The following XIRP2 variants were observed in gnomAD, a reference collection of about 807,000 sequenced individuals.
The protein encoded by XIRP2 is xin actin binding repeat containing 2.
A neutral mutation model predicts 277.0 loss-of-function variants in XIRP2; 236 were observed. That is an observed-to-expected ratio of 0.85 (90% CI 0.77 to 0.95). XIRP2 has a LOEUF of 0.95. Ranked by LOEUF, XIRP2 falls within the 40% of genes least tolerant of loss-of-function variation. The pLI, the probability that XIRP2 is intolerant of heterozygous loss-of-function variation, is 0.00. For synonymous variants in XIRP2, 1,490 were observed against 1,416.5 expected (o/e 1.05, Z -1.17); for missense variants, 4,640 against 4,157.5 (o/e 1.12, Z -3.19).
At chr2:166,996,634 A>C (rs77628099) in intron 2 of XIRP2, among the ~76,000 whole-genome samples, 5,356 of 152,302 alleles carry the variant, frequency 0.035, 121 homozygotes, top group East Asian at 0.079. Flanking sequence ...CCCAAAAAAT[A>C]AAAATAAATA....
At position 167,218,021 on chromosome 2, in the gene XIRP2, T is replaced by TA. The variant is rs1363877383; in HGVS notation, c.724-142dup. ...AGAATATATTTATTAAGGTTTTTGT[T>TA]AAAGACATACTGAAATAATGGTGTA... On this transcript the variant is annotated intron_variant, in intron 4 of 10. Transcript: ENST00000409195. The TA allele has an allele frequency of 7.9e-5, 48 of 610,208 alleles. No homozygotes were observed. The South Asian group carries it at 2.7e-3, about 34-fold the overall frequency. The allele number at this position is 610,208 out of a possible 1,614,324, so 37.8% of individuals were successfully genotyped here.
chr2:167,238,539 T>C (rs1387006048), intron 5 of XIRP2, among the ~76,000 whole-genome samples: 2 of 152,174 alleles, frequency 1.3e-5, no homozygotes, highest in African/African-American at 2.4e-5. Context: ...AAAAGTCTCA[T>C]ACATCTACTG....
intron 2 of XIRP2, among the ~76,000 whole-genome samples, chr2:167,106,180 G>C (rs1274978108): frequency 3.3e-5 from 5 of 151,422 alleles, no homozygotes; most frequent in African/African-American, 1.2e-4. Flanking sequence ...AATATTGATG[G>C]AGTCAAAAGT....
intron 2 of XIRP2, among the ~76,000 whole-genome samples, chr2:167,135,048 C>T (rs1227004956): frequency 6.6e-6 from 1 of 152,158 alleles, no homozygotes; most frequent in Non-Finnish European, 1.5e-5. Context: ...GGGAAGACTA[C>T]TGTGTGACCT....
intron 2 of XIRP2, among the ~76,000 whole-genome samples, chr2:167,087,665 T>G (rs1690001933): frequency 6.6e-6 from 1 of 152,194 alleles, no homozygotes; most frequent in South Asian, 2.1e-4. Flanking sequence ...TTTAAGCCGG[T>G]CGGAAAAGCG....
chr2:167,252,347 T>G lies in XIRP2; in HGVS notation c.10555+400T>G, dbSNP rs149286121. ...TGCCAGGTTTAAATGATATTTGCAT[T>G]GAGTTCAATACAGACTGATAGAAGT... On this transcript the variant is annotated intron_variant, in intron 9 of 10. Transcript: ENST00000409195. Among the ~76,000 whole-genome samples the G allele has an allele frequency of 9.1e-4, 138 of 152,120 alleles. 1 individual carries two copies. Among genetic ancestry groups the G allele is most frequent in the African/African-American group, 3.1e-3 (130 of 41,530 alleles).
At chr2:167,177,525 A>G (rs1248283779) in intron 3 of XIRP2, among the ~76,000 whole-genome samples, 2 of 152,224 alleles carry the variant, frequency 1.3e-5, no homozygotes, top group Non-Finnish European at 2.9e-5. Flanking sequence ...TATAATGTAT[A>G]TTAATTTGCT....
At chr2:167,085,521 C>G (rs1476143583) in intron 2 of XIRP2, among the ~76,000 whole-genome samples, 3 of 151,980 alleles carry the variant, frequency 2.0e-5, no homozygotes, top group Admixed American at 2.0e-4. Context: ...TCTCGTTGAT[C>G]TGTCTAATGT....
At chr2:166,979,505 A>G (rs1231372009) in intron 2 of XIRP2, among the ~76,000 whole-genome samples, 1 of 151,558 alleles carries the variant, frequency 6.6e-6, no homozygotes, top group Non-Finnish European at 1.5e-5. Context: ...GTAAGATGCT[A>G]AGAGTAGGGT....
chr2:166,960,317 A>G (rs548793012), intron 2 of XIRP2, among the ~76,000 whole-genome samples: 49 of 151,912 alleles, frequency 3.2e-4, no homozygotes, highest in Admixed American at 3.2e-3. Context: ...AAGTAGCAGA[A>G]CAATTAAAAG....
chr2:166,997,946 TACTG>T (rs1176449081), intron 2 of XIRP2, among the ~76,000 whole-genome samples: 1 of 152,036 alleles, frequency 6.6e-6, no homozygotes, highest in Non-Finnish European at 1.5e-5. Context: ...GACTAACGCT[TACTG>T]AGCGCCATTT....
intron 2 of XIRP2, among the ~76,000 whole-genome samples, chr2:167,098,744 G>A (rs1690399161): frequency 6.6e-6 from 1 of 152,146 alleles, no homozygotes; most frequent in Non-Finnish European, 1.5e-5. Flanking sequence ...CATTCTTTTT[G>A]TTGGTGGTGA....
chr2:166,977,327 T>G (rs558114557), intron 2 of XIRP2, among the ~76,000 whole-genome samples: 4 of 152,210 alleles, frequency 2.6e-5, no homozygotes, highest in Admixed American at 6.5e-5. Flanking sequence ...ATTCTCGCAG[T>G]CAGCATTTTC....
At chr2:166,910,083 T>G (rs1684656568) in intron 2 of XIRP2, among the ~76,000 whole-genome samples, 1 of 152,210 alleles carries the variant, frequency 6.6e-6, no homozygotes, top group South Asian at 2.1e-4. Context: ...CTTTTGTTGT[T>G]GTGTCTCTGT....
intron 3 of XIRP2, among the ~76,000 whole-genome samples, chr2:167,172,686 A>T (rs1692731111): frequency 6.6e-6 from 1 of 152,236 alleles, no homozygotes; most frequent in African/African-American, 2.4e-5. Flanking sequence ...GCTCTCAGGC[A>T]GCCAGACCTA....
intron 3 of XIRP2, among the ~76,000 whole-genome samples, chr2:167,155,434 G>T (rs934557118): frequency 2.0e-5 from 3 of 151,938 alleles, no homozygotes; most frequent in Non-Finnish European, 4.4e-5. Flanking sequence ...ATGCAAGGCT[G>T]GTTCAATATA....
intron 2 of XIRP2, among the ~76,000 whole-genome samples, chr2:166,965,799 T>C (rs969418366): frequency 2.6e-5 from 4 of 151,780 alleles, no homozygotes; most frequent in Non-Finnish European, 5.9e-5. Flanking sequence ...CTAAGGTTGG[T>C]CTGAAACTCC....
Position 167,245,471 on chromosome 2 carries a change from A to C in XIRP2, c.4079A>C (p.Asp1360Ala), listed in dbSNP as rs756443733. ...TGGCTTTTTGAAACAAAGCCATTAG[A>C]CTCTATTAATAAATCAGAAACTGTG... The part of the protein sequence containing the change: ...TRWLFETKPL[D>A]SINKSETVYV... The change falls in exon 9 of 11, where the codon GAC becomes GCC. Residue 1360 changes from aspartate (D) to alanine (A), a missense_variant. Transcript: ENST00000409195. The C allele has an allele frequency of 1.1e-5, 17 of 1,613,448 alleles. No individual in the cohort carries two copies. The highest frequency in any genetic ancestry group is 1.4e-5 in the Non-Finnish European group (16 of 1,179,718).
In XIRP2 at chr2:167,249,362, AG is replaced by A; in HGVS notation, c.7972del (p.Glu2658LysfsTer61). On this transcript the variant is annotated frameshift_variant, in exon 9 of 11. Transcript: ENST00000409195. LOFTEE classifies it high-confidence loss of function. ...AASEDKDKMK[K>X]EVLQSSRDIM... ...TCAGAAGACAAAGATAAGATGAAAA[AG>A]GAAGTTTTACAAAGCTCAAGGGACA... is the stretch of plus-strand genomic sequence containing the variant. The A allele has an allele frequency of 3.1e-6, 5 of 1,613,748 alleles. No individual in the cohort carries two copies.
Sources: gnomAD v4.1 joint callset for allele counts (sites outside exome capture counted in the v4.1 genomes callset) on GRCh38, gnomAD v4.1.1 for gene constraint, MANE v1.5 for transcripts, NCBI Gene and HGNC (gene_info 2026-07-23, HGNC 2026-07-21) for gene names.